SLC44A2: variants seen among roughly 807,000 people sequenced by gnomAD.
SLC44A2 encodes the protein solute carrier family 44 member 2 (CTL2 blood group).
Under a neutral mutation model 90.8 loss-of-function variants are expected in SLC44A2, and 57 were observed. The observed-to-expected ratio is 0.63, with a 90% CI of 0.51 to 0.78. The LOEUF is 0.78. SLC44A2 is among the 30% of genes least tolerant of loss of function. SLC44A2 has a pLI of 0.00. For missense variants in SLC44A2, 794 were observed against 919.7 expected (o/e 0.86, Z 1.77); for synonymous variants, 355 against 360.7 (o/e 0.98, Z 0.18).
upstream of SLC44A2, chr19:10,625,337 T>C: frequency 1.7e-6 from 1 of 579,186 alleles, no homozygotes; most frequent in South Asian, 8.9e-5. Context: ...CATCGCCCGG[T>C]GGCAGGGTGT....
Position 10,640,145 on chromosome 19 carries a change from C to T in SLC44A2, c.1929+1830C>T, listed in dbSNP as rs183464907. On this transcript the variant is annotated intron_variant, in intron 20 of 21. Coordinates refer to ENST00000335757, the MANE Select transcript of SLC44A2 (RefSeq NM_020428.4). ...TTGCTCTGTCACCCACGCTGGAGTG[C>T]GATGGAGTGATCTCTGCTCACCACA... 4.8e-3 allele frequency among the ~76,000 whole-genome samples: 634 copies of T among 132,376 alleles called. 11 individuals are homozygous for T. Among genetic ancestry groups the T allele is most frequent in the East Asian group, 8.8e-3 (39 of 4,412 alleles). 86.8% of individuals were successfully genotyped at this position (132,376 alleles called of 152,430 possible). A position where few individuals can be genotyped will look rare whatever the true frequency, so the allele number is the denominator to read the frequency against.
Position 10,633,973 on chromosome 19 carries a change from A to ATTTTTTTTT in SLC44A2, c.824-776_824-768dup, listed in dbSNP as rs1406434263. Among the ~76,000 whole-genome samples, 980 of 107,850 alleles carry ATTTTTTTTT rather than the reference A, an allele frequency of 9.1e-3. 79 individuals carry two copies. Among genetic ancestry groups the ATTTTTTTTT allele is most frequent in the South Asian group, 0.017 (53 of 3,130 alleles). The allele number at this position is 107,850 out of a possible 152,430, so 70.8% of individuals were successfully genotyped here. On this transcript the variant is annotated intron_variant, in intron 10 of 21. Transcript: ENST00000335757. ...ACCAACATGTAGAAACCCCATCTCT[A>ATTTTTTTTT]TTTTTTTTTTTTTTTGAGACAGAGT...
At chr19:10,627,663 T>C in intron 2 of SLC44A2, 59 bp from the exon 3 acceptor site, 4 of 1,580,628 alleles carry the variant, frequency 2.5e-6, no homozygotes, top group Non-Finnish European at 3.5e-6. Context: ...AGAGGGCAGA[T>C]GGGCCCATGG....
chr19:10,641,643 A>G (rs1478414860), intron 20 of SLC44A2, among the ~76,000 whole-genome samples: 1 of 152,012 alleles, frequency 6.6e-6, no homozygotes, highest in Non-Finnish European at 1.5e-5. Flanking sequence ...TCTTAAGCCC[A>G]GGATGGGTAA....
intron 20 of SLC44A2, among the ~76,000 whole-genome samples, chr19:10,639,007 C>T (rs1230941106): frequency 2.0e-5 from 3 of 152,148 alleles, no homozygotes; most frequent in African/African-American, 7.2e-5. Context: ...CCATGTTGGT[C>T]AGGCTGGTCT....
intron 20 of SLC44A2, among the ~76,000 whole-genome samples, chr19:10,639,707 A>C (rs552046604): frequency 1.3e-5 from 2 of 152,212 alleles, no homozygotes; most frequent in South Asian, 2.1e-4. Context: ...GGCGAAACCC[A>C]GTCTCTACAA....
In SLC44A2 at chr19:10,643,529, T is replaced by C; in HGVS notation, c.*144T>C. 1.0e-6 allele frequency: 1 copy of C among 997,562 alleles called. No individual in the cohort carries two copies. 61.8% of individuals were successfully genotyped at this position (997,562 alleles called of 1,614,324 possible). A position where few individuals can be genotyped will look rare whatever the true frequency, so the allele number is the denominator to read the frequency against. On this transcript the variant is annotated 3_prime_UTR_variant, in exon 22 of 22. Coordinates refer to ENST00000335757, the MANE Select transcript of SLC44A2 (RefSeq NM_020428.4). ...CCATGAGCCAGATCCCACCAGTTTC[T>C]GGACGTGGAGAGTCTGGGGCATCTC... is the stretch of plus-strand genomic sequence containing the variant.
chr19:10,610,210 A>AAT (rs1555756585), intron 1 of SLC44A2, among the ~76,000 whole-genome samples: 18 of 151,640 alleles, frequency 1.2e-4, no homozygotes, highest in African/African-American at 3.9e-4. Context: ...AAGAAAAAAA[A>AAT]ATATATATAT....
upstream of SLC44A2, chr19:10,625,509 C>T (rs917854301): frequency 1.6e-6 from 2 of 1,224,298 alleles, no homozygotes; most frequent in Non-Finnish European, 2.0e-6. Context: ...TGGGCCGCCC[C>T]GCCTGGCGCT....
At chr19:10,627,229 G>A (rs1287419887) in intron 2 of SLC44A2, among the ~76,000 whole-genome samples, 2 of 151,538 alleles carry the variant, frequency 1.3e-5, no homozygotes, top group Non-Finnish European at 2.9e-5. Flanking sequence ...ACTGAGGCAG[G>A]AGAATCGCTT....
intron 20 of SLC44A2, among the ~76,000 whole-genome samples, chr19:10,641,752 G>A (rs533080698): frequency 3.3e-5 from 5 of 151,254 alleles, no homozygotes; most frequent in Admixed American, 1.3e-4. Flanking sequence ...AGGCTGAGGC[G>A]GGAGGATCAC....
chr19:10,603,908 A>G lies in SLC44A2; in HGVS notation c.31+1347A>G, dbSNP rs1409991940. Among the ~76,000 whole-genome samples the G allele has an allele frequency of 5.3e-5, 8 of 152,284 alleles. No homozygotes were observed. In the East Asian group the frequency reaches 1.5e-3, roughly 29 times the overall value. On this transcript the variant is annotated intron_variant, in intron 1 of 21. Coordinates refer to the SLC44A2 transcript ENST00000407327. ...TGGCTGGGACAGGGACGAGGGGCAG[A>G]ATGGACAATGATATGATTCACCCAG...
chr19:10,618,474 CTTTTTTTTTTTTTT>C (rs3029799), intron 1 of SLC44A2, among the ~76,000 whole-genome samples: 1 of 87,364 alleles, frequency 1.1e-5, no homozygotes, highest in South Asian at 4.0e-4. Context: ...TGCGCCCGGC[CTTTTTTTTTTTTTT>C]TTTTTTTTTG....
chr19:10,627,281 A>ACT (rs1423366709), intron 2 of SLC44A2, among the ~76,000 whole-genome samples: 1 of 151,442 alleles, frequency 6.6e-6, no homozygotes, highest in Non-Finnish European at 1.5e-5. Context: ...AGATCGTTCC[A>ACT]CTGCACTCCA....
At chr19:10,639,880 CAAA>C in intron 20 of SLC44A2, among the ~76,000 whole-genome samples, 1 of 141,478 alleles carries the variant, frequency 7.1e-6, no homozygotes, top group Admixed American at 7.1e-5. Context: ...GACTCTCTCT[CAAA>C]AAAAAAAAAG....
chr19:10,626,251 A>G lies in SLC44A2; in HGVS notation c.38-2A>G. ...ATCCATCTTAATCTTCTTGACTTTC[A>G]GGAACGCCACAGAAGTATGATCCCA... On this transcript the variant is annotated splice_acceptor_variant, in intron 1 of 21. Coordinates refer to ENST00000335757, the MANE Select transcript of SLC44A2 (RefSeq NM_020428.4). LOFTEE classifies it high-confidence loss of function. 2.5e-6 allele frequency: 4 copies of G among 1,612,748 alleles called. No homozygotes were observed. Among genetic ancestry groups the G allele is most frequent in the Non-Finnish European group, 3.4e-6 (4 of 1,178,726 alleles).
chr19:10,637,675 G>A lies in SLC44A2; in HGVS notation c.1623G>A (p.Met541Ile), dbSNP rs774891025. The change falls in exon 17 of 22, where the codon ATG (methionine) becomes ATA (isoleucine). Residue 541 changes from methionine to isoleucine, a missense_variant. By Grantham distance (10) the Met-to-Ile change is conservative (BLOSUM62 1). Around this residue, in one of 3 missense-constraint regions of SLC44A2, gnomAD observed 738 missense variants for 841.1 expected, o/e 0.88. Transcript: ENST00000335757. ...AAENKFAKCL[M>I]TCLKCCFWCL... ...AGAACAAGTTTGCCAAGTGCCTCATGACCTGTCTCAAATGCTGCTTCTGGT... is the reference window on the plus strand; with the variant it reads ...AGAACAAGTTTGCCAAGTGCCTCATAACCTGTCTCAAATGCTGCTTCTGGT... The A allele has an allele frequency of 1.2e-6, 2 of 1,613,966 alleles. No individual in the cohort carries two copies. The highest frequency in any genetic ancestry group is 1.7e-6 in the Non-Finnish European group (2 of 1,180,030).
intron 2 of SLC44A2, 118 bp from the exon 3 acceptor site, chr19:10,627,604 A>G: frequency 9.9e-7 from 1 of 1,011,044 alleles, no homozygotes; most frequent in African/African-American, 1.6e-5. Context: ...ACGGCATTCA[A>G]ACGACTCAGG....
chr19:10,620,799 G>A (rs2066890052), upstream of SLC44A2, among the ~76,000 whole-genome samples: 3 of 152,170 alleles, frequency 2.0e-5, no homozygotes, highest in Admixed American at 1.3e-4. Flanking sequence ...GGAGGCCGAG[G>A]TGGGAGGAAG....
Sources: allele counts gnomAD v4.1 joint callset (sites outside exome capture counted in the v4.1 genomes callset), GRCh38; gene constraint gnomAD v4.1.1; regional missense constraint gnomAD v4.1.1; transcripts MANE v1.5; gene names NCBI Gene and HGNC (gene_info 2026-07-23, HGNC 2026-07-21).